Variants in ITGA9 observed in about 807,000 individuals in gnomAD.
ITGA9 encodes the protein integrin subunit alpha 9.
A neutral mutation model predicts 127.8 loss-of-function variants in ITGA9; 56 were observed. That is an observed-to-expected ratio of 0.44 (90% confidence interval 0.35 to 0.55). ITGA9 has a LOEUF of 0.55. Among genes scored for constraint, ITGA9 ranks in the 20% least tolerant of loss-of-function variants. ITGA9 has a pLI of 0.00. For missense variants in ITGA9, 1,196 were observed against 1,347.1 expected (o/e 0.89, Z 1.76); for synonymous variants, 508 against 514.5 (o/e 0.99, Z 0.17).
intron 26 of ITGA9, among the ~76,000 whole-genome samples, chr3:37,786,492 C>A (rs1363883588): frequency 1.3e-5 from 2 of 152,052 alleles, no homozygotes; most frequent in Non-Finnish European, 2.9e-5. Context: ...TACTTGGGAA[C>A]TGAGGCAGGA....
chr3:37,615,179 T>G lies in ITGA9; in HGVS notation c.1690-14008T>G, dbSNP rs1700061968. ...CATTGAGAGTTTTTAGCATGAAGCATTGTTGAATTTTGTCAAAGGCCTTTT... is the reference window on the plus strand; with the variant it reads ...CATTGAGAGTTTTTAGCATGAAGCAGTGTTGAATTTTGTCAAAGGCCTTTT... On this transcript the variant is annotated intron_variant, in intron 15 of 27. Coordinates refer to ENST00000264741, the MANE Select transcript of ITGA9 (RefSeq NM_002207.3). Among the ~76,000 whole-genome samples the G allele has an allele frequency of 3.3e-5, 5 of 152,276 alleles. No individual in the cohort carries two copies. In the South Asian group the frequency reaches 1.0e-3, roughly 32 times the overall value.
intron 9 of ITGA9, among the ~76,000 whole-genome samples, chr3:37,516,173 C>A (rs1698982141): frequency 6.6e-6 from 1 of 152,188 alleles, no homozygotes; most frequent in African/African-American, 2.4e-5. Flanking sequence ...CTCCACTGGG[C>A]ATGATGCACC....
intron 18 of ITGA9, among the ~76,000 whole-genome samples, chr3:37,710,267 A>G (rs930895925): frequency 1.3e-5 from 2 of 152,182 alleles, no homozygotes; most frequent in Non-Finnish European, 2.9e-5. Flanking sequence ...GCTAGTAAGT[A>G]GCAGAGCTGA....
At chr3:37,728,458 G>A (rs893698613) in intron 18 of ITGA9, among the ~76,000 whole-genome samples, 7 of 152,184 alleles carry the variant, frequency 4.6e-5, no homozygotes, top group Non-Finnish European at 1.0e-4. Context: ...ACTCTTGGGT[G>A]CCTGCCTGGC....
chr3:37,541,998 T>C (rs1382074423), intron 14 of ITGA9, among the ~76,000 whole-genome samples: 1 of 152,190 alleles, frequency 6.6e-6, no homozygotes, highest in East Asian at 1.9e-4. Flanking sequence ...AACCATGTGC[T>C]TTATAGAAGT....
intron 1 of ITGA9, among the ~76,000 whole-genome samples, chr3:37,464,116 AGTGTGTGTGTGTGT>A (rs10603611): frequency 1.3e-4 from 19 of 144,270 alleles, no homozygotes; most frequent in South Asian, 2.3e-4. Flanking sequence ...AGAAGGTGTG[AGTGTGTGTGTGTGT>A]GTGTGTGTGT....
chr3:37,665,287 A>G (rs891366001), intron 17 of ITGA9, among the ~76,000 whole-genome samples: 2 of 151,310 alleles, frequency 1.3e-5, no homozygotes. Flanking sequence ...GCTGGCTTTA[A>G]TGGTTGCTGT....
rs147354423 is a variant in ITGA9, at chr3:37,732,814, G to A, written c.2154+16G>A. ...AAAGTCAAAGGTAAGGGACACAGAC[G>A]GGACCCTTCCTCAGCAGCAGGCCCC... On this transcript the variant is annotated intron_variant, in intron 19 of 27. Transcript: ENST00000264741. 969 of 1,585,334 alleles carry A rather than the reference G, an allele frequency of 6.1e-4. No homozygotes were observed. Among genetic ancestry groups the A allele is most frequent in the African/African-American group, 4.3e-3 (318 of 74,532 alleles).
intron 1 of ITGA9, among the ~76,000 whole-genome samples, chr3:37,459,533 C>G (rs954467230): frequency 6.6e-5 from 10 of 152,208 alleles, no homozygotes; most frequent in African/African-American, 1.2e-4. Context: ...CCCAAAGTCC[C>G]CACCTCCAAA....
At chr3:37,590,693 G>C (rs1235836770) in intron 15 of ITGA9, among the ~76,000 whole-genome samples, 2 of 151,494 alleles carry the variant, frequency 1.3e-5, no homozygotes, top group Non-Finnish European at 2.9e-5. Flanking sequence ...CCAAAGTTCA[G>C]ATGTCCCCCT....
intron 17 of ITGA9, among the ~76,000 whole-genome samples, chr3:37,659,359 T>G (rs1700511216): frequency 6.6e-6 from 1 of 152,108 alleles, no homozygotes; most frequent in Admixed American, 6.6e-5. Flanking sequence ...CATTATTTCT[T>G]GGAGGCTTTG....
At chr3:37,489,685 A>T (rs1579059917) in intron 4 of ITGA9, among the ~76,000 whole-genome samples, 1 of 130,174 alleles carries the variant, frequency 7.7e-6, no homozygotes, top group African/African-American at 3.0e-5. Context: ...TTTCTGTATA[A>T]TTGCCCTTTT....
intron 6 of ITGA9, among the ~76,000 whole-genome samples, chr3:37,505,088 C>T (rs1281617910): frequency 6.6e-6 from 1 of 152,160 alleles, no homozygotes; most frequent in African/African-American, 2.4e-5. Context: ...TCCATCTACC[C>T]AACCATGCAT....
chr3:37,771,014 C>T (rs1696835683), intron 23 of ITGA9, among the ~76,000 whole-genome samples: 1 of 152,178 alleles, frequency 6.6e-6, no homozygotes, highest in South Asian at 2.1e-4. Context: ...TCCTCCTTTC[C>T]TTGTTTGGGT....
intron 4 of ITGA9, among the ~76,000 whole-genome samples, chr3:37,485,809 G>C (rs1295189144): frequency 6.6e-6 from 1 of 152,168 alleles, no homozygotes; most frequent in Non-Finnish European, 1.5e-5. Context: ...AAAAACAGAG[G>C]AAATGGGAAA....
intron 15 of ITGA9, among the ~76,000 whole-genome samples, chr3:37,585,065 G>T (rs1699745201): frequency 1.3e-5 from 2 of 151,814 alleles, no homozygotes; most frequent in Admixed American, 1.3e-4. Context: ...TCTGCCAGGT[G>T]GTTAGTTCTA....
At chr3:37,507,860 C>A (rs1485597258) in intron 7 of ITGA9, among the ~76,000 whole-genome samples, 2 of 152,154 alleles carry the variant, frequency 1.3e-5, no homozygotes, top group Admixed American at 1.3e-4. Context: ...TCTCATGAGA[C>A]ACTCTTCCCA....
At chr3:37,480,983 C>T (rs576528164) in intron 3 of ITGA9, among the ~76,000 whole-genome samples, 3 of 152,236 alleles carry the variant, frequency 2.0e-5, no homozygotes, top group Non-Finnish European at 4.4e-5. Context: ...GCCATTCCTA[C>T]GTCCCCCTGT....
intron 18 of ITGA9, among the ~76,000 whole-genome samples, chr3:37,725,346 T>C (rs1696170827): frequency 6.6e-6 from 1 of 152,206 alleles, no homozygotes; most frequent in African/African-American, 2.4e-5. Context: ...CAAGGTATAG[T>C]GTGAATCTAG....
Sources: allele counts gnomAD v4.1 joint callset (sites outside exome capture counted in the v4.1 genomes callset), GRCh38; gene constraint gnomAD v4.1.1; transcripts MANE v1.5; gene names NCBI Gene and HGNC (gene_info 2026-07-23, HGNC 2026-07-21).